Variants in NLGN1 observed in about 807,000 individuals in gnomAD.
NLGN1 encodes neuroligin 1, also known as neuroligin-1.
Under a neutral mutation model 65.5 loss-of-function variants are expected in NLGN1, and 12 were observed. That is an observed-to-expected ratio of 0.18 (90% CI 0.12 to 0.30). The LOEUF (loss-of-function observed/expected upper bound fraction) is 0.30, where lower values mean the gene tolerates loss of function less well. NLGN1 is among the 10% of genes least tolerant of loss of function. The pLI, the probability that NLGN1 is intolerant of heterozygous loss-of-function variation, is 1.00. For missense variants in NLGN1, 750 were observed against 1,007.1 expected (o/e 0.74, Z 3.46); for synonymous variants, 350 against 359.5 (o/e 0.97, Z 0.30).
chr3:173,730,860 T>G (rs563733341), intron 3 of NLGN1, among the ~76,000 whole-genome samples: 6 of 152,122 alleles, frequency 3.9e-5, no homozygotes, highest in Non-Finnish European at 7.4e-5. Flanking sequence ...CTGTAGAAGA[T>G]AATAAAATCT....
intron 2 of NLGN1, among the ~76,000 whole-genome samples, chr3:173,602,193 A>C (rs1227554288): frequency 6.6e-6 from 1 of 152,074 alleles, no homozygotes; most frequent in Non-Finnish European, 1.5e-5. Context: ...TAAATGCATG[A>C]AAACTGAGGA....
intron 3 of NLGN1, among the ~76,000 whole-genome samples, chr3:173,743,616 C>T (rs1453597271): frequency 6.6e-6 from 1 of 152,108 alleles, no homozygotes; most frequent in African/African-American, 2.4e-5. Context: ...AATGGTATTG[C>T]TAACATTCTG....
At chr3:173,771,551 A>G (rs1242504954) in intron 3 of NLGN1, among the ~76,000 whole-genome samples, 1 of 77,642 alleles carries the variant, frequency 1.3e-5, no homozygotes, top group Non-Finnish European at 3.2e-5. Context: ...ACAAGTACTC[A>G]GGAAAATAAC....
At chr3:173,575,379 A>G (rs1559989567) in intron 2 of NLGN1, among the ~76,000 whole-genome samples, 1 of 152,132 alleles carries the variant, frequency 6.6e-6, no homozygotes, top group Admixed American at 6.5e-5. Context: ...TAAAAATAAT[A>G]GATATTAGTT....
At chr3:173,647,897 G>T (rs941713488) in intron 3 of NLGN1, among the ~76,000 whole-genome samples, 1 of 152,044 alleles carries the variant, frequency 6.6e-6, no homozygotes, top group Non-Finnish European at 1.5e-5. Flanking sequence ...AATCAAAGAA[G>T]ACCAGAATAA....
intron 3 of NLGN1, among the ~76,000 whole-genome samples, chr3:173,620,999 T>C (rs749599503): frequency 6.6e-6 from 1 of 152,196 alleles, no homozygotes. Context: ...AAATGCATAT[T>C]GATTGAATTC....
intron 4 of NLGN1, among the ~76,000 whole-genome samples, chr3:174,058,908 C>T (rs565313249): frequency 3.9e-4 from 60 of 152,152 alleles, no homozygotes; most frequent in African/African-American, 1.3e-3. Flanking sequence ...TTTCCTTGGG[C>T]GGGATCTTGA....
At position 173,449,476 on chromosome 3, in the gene NLGN1, C is replaced by T. The variant is rs1340751253; in HGVS notation, c.-321+14398C>T. Among the ~76,000 whole-genome samples, 19 of 152,168 alleles carry T rather than the reference C, an allele frequency of 1.2e-4. 1 individual carries two copies. The highest frequency in any genetic ancestry group is 1.2e-3 in the Admixed American group (19 of 15,278). ...TTTACATTTGCTGAGGAGTGCTTTA[C>T]TTCCAACTATGTGGTCAATTTTGTA... is the stretch of plus-strand genomic sequence containing the variant. On this transcript the variant is annotated intron_variant, in intron 2 of 6. Coordinates refer to ENST00000457714, the Ensembl canonical transcript of NLGN1.
chr3:173,942,181 A>G (rs915652512), intron 4 of NLGN1, among the ~76,000 whole-genome samples: 1 of 151,660 alleles, frequency 6.6e-6, no homozygotes, highest in Non-Finnish European at 1.5e-5. Flanking sequence ...ATATGTGTAT[A>G]TATATATACA....
chr3:174,008,744 A>T (rs1013124936), intron 4 of NLGN1, among the ~76,000 whole-genome samples: 3 of 152,060 alleles, frequency 2.0e-5, no homozygotes, highest in Non-Finnish European at 2.9e-5. Context: ...TCACCTGCAC[A>T]ATGAGTAAGC....
chr3:174,284,773 T>TA (rs1351396078), exon 7 of NLGN1: 3 of 151,368 alleles, frequency 2.0e-5, no homozygotes, highest in African/African-American at 7.3e-5. Flanking sequence ...GCTAAAGCAT[T>TA]AAAAATGTCA....
chr3:173,640,534 G>T (rs535359720), intron 3 of NLGN1, among the ~76,000 whole-genome samples: 1 of 151,884 alleles, frequency 6.6e-6, no homozygotes, highest in Non-Finnish European at 1.5e-5. Flanking sequence ...GACTTTCACC[G>T]TAAGGCTATT....
At chr3:173,655,319 C>T (rs939016994) in intron 3 of NLGN1, among the ~76,000 whole-genome samples, 10 of 152,096 alleles carry the variant, frequency 6.6e-5, no homozygotes, top group African/African-American at 1.7e-4. Context: ...GAGAAGTTTT[C>T]GAGCCTTTAG....
intron 4 of NLGN1, among the ~76,000 whole-genome samples, chr3:174,154,188 A>G (rs1724912292): frequency 6.6e-6 from 1 of 152,114 alleles, no homozygotes; most frequent in African/African-American, 2.4e-5. Context: ...AGTTGACGTC[A>G]GCAGAAGGCA....
chr3:173,819,527 G>C (rs372264204), intron 4 of NLGN1, among the ~76,000 whole-genome samples: 4 of 152,108 alleles, frequency 2.6e-5, no homozygotes, highest in Non-Finnish European at 5.9e-5. Flanking sequence ...TGCCTAGGAC[G>C]ATCCTTTCCA....
rs113136226 is a variant in NLGN1 at position 173,773,549 on chromosome 3, A to G, written c.494-34131A>G. ...TTAACTTACCTGTTTGTAATATGTT[A>G]TCATTGAATATGATGTTTGTTATAT... On this transcript the variant is annotated intron_variant, in intron 3 of 6. Transcript: ENST00000457714. Among the ~76,000 whole-genome samples the G allele has an allele frequency of 3.3e-3, 501 of 152,280 alleles. 1 individual carries two copies. Among genetic ancestry groups the G allele is most frequent in the African/African-American group, 0.011 (466 of 41,570 alleles).
At chr3:174,083,461 C>A (rs1055296537) in intron 4 of NLGN1, among the ~76,000 whole-genome samples, 9 of 152,060 alleles carry the variant, frequency 5.9e-5, no homozygotes, top group African/African-American at 1.7e-4. Context: ...ATAATGAAAA[C>A]ACTTTAAAAT....
Position 173,410,006 on chromosome 3 carries a change from T to C in NLGN1, c.-390+11519T>C, listed in dbSNP as rs532287583. Among the ~76,000 whole-genome samples the C allele has an allele frequency of 5.3e-5, 8 of 152,210 alleles. No individual in the cohort carries two copies. The East Asian group carries it at 1.4e-3, about 26-fold the overall frequency. On this transcript the variant is annotated intron_variant, in intron 1 of 6. Coordinates refer to ENST00000457714, the Ensembl canonical transcript of NLGN1. ...AAAGGGGTGACACAAATGAGCAAGA[T>C]AAGGGGGAAAACAACCAAACTTGTT...
At chr3:173,600,431 A>G (rs1393240892) in intron 2 of NLGN1, among the ~76,000 whole-genome samples, 6 of 152,028 alleles carry the variant, frequency 3.9e-5, no homozygotes, top group African/African-American at 7.2e-5. Context: ...ACTATATAAC[A>G]AATTTTCATA....
Sources: allele counts gnomAD v4.1 joint callset (sites outside exome capture counted in the v4.1 genomes callset), GRCh38; gene constraint gnomAD v4.1.1; transcripts MANE v1.5; gene names NCBI Gene and HGNC (gene_info 2026-07-23, HGNC 2026-07-21).